FOXD3: variants seen among roughly 807,000 people sequenced by gnomAD.
FOXD3 encodes forkhead box protein D3.
Under a neutral mutation model 3.6 loss-of-function variants are expected in FOXD3, and 3 were observed. That is an observed-to-expected ratio of 0.84 (90% CI 0.38 to 2.18). The LOEUF (loss-of-function observed/expected upper bound fraction) is 2.18. Ranked by LOEUF, FOXD3 falls within the 30% of genes most tolerant of loss-of-function variation. FOXD3 has a pLI of 0.06. For synonymous variants in FOXD3, 391 were observed against 360.9 expected, an observed-to-expected ratio of 1.08 and a Z score of -0.94; for missense variants, 686 against 731.6, an observed-to-expected ratio of 0.94 and a Z score of 0.72.
In FOXD3 at chr1:63,323,832, T is replaced by C; in HGVS notation, c.774T>C (p.Ala258=). 6.2e-7 allele frequency: 1 copy of C among 1,600,506 alleles called. No individual in the cohort carries two copies. Among genetic ancestry groups the C allele is most frequent in the South Asian group, 1.1e-5 (1 of 89,948 alleles). Residue 258 remains alanine (A), a synonymous_variant, in exon 1 of 1, where the codon GCT becomes GCC. Transcript: ENST00000371116. This position sits in a 1 kb window ranked among gnomAD's most constrained non-coding sequence, Gnocchi z 6.8. ...CGCTCATGATGCAGAGCTTCGGCGC[T>C]TACAGCCTGGCGGCGGCGGCCGGCG... is the stretch of plus-strand genomic sequence containing the variant. The part of the protein sequence containing the change: ...QTALMMQSFG[A]YSLAAAAGAA...
chr1:63,323,148 G>C lies in FOXD3; in HGVS notation c.90G>C (p.Glu30Asp). 1 of 1,569,224 alleles carries C rather than the reference G, an allele frequency of 6.4e-7. No individual in the cohort carries two copies. Among genetic ancestry groups the C allele is most frequent in the Non-Finnish European group, 8.6e-7 (1 of 1,159,612 alleles). Residue 30 changes from glutamate (E) to aspartate (D), a missense_variant, in exon 1 of 1, where the codon GAG becomes GAC. Coordinates refer to ENST00000371116, the MANE Select transcript of FOXD3 (RefSeq NM_012183.3). The surrounding 1 kb of genome is among the most constrained non-coding windows in gnomAD (Gnocchi z 6.8). ...AEDVDIDVVG[E>D]GDDGLEEKDS... is the part of the protein sequence containing the mutation. ...ACGTGGACATCGATGTGGTGGGCGA[G>C]GGCGACGACGGGCTGGAAGAGAAGG... is the stretch of plus-strand genomic sequence containing the variant.
chr1:63,324,834 G>T lies in FOXD3; in HGVS notation c.*339G>T. ...GGAGGGAAATTCTTTGTATATATTT[G>T]TAAAAAAATTATTGACTTTCCTTTT... On this transcript the variant is annotated 3_prime_UTR_variant, in exon 1 of 1. Coordinates refer to ENST00000371116, the MANE Select transcript of FOXD3 (RefSeq NM_012183.3). The surrounding 1 kb of genome is among the most constrained non-coding windows in gnomAD (Gnocchi z 4.1). The T allele has an allele frequency of 3.6e-6, 1 of 277,778 alleles. No homozygotes were observed. Among genetic ancestry groups the T allele is most frequent in the Non-Finnish European group, 7.1e-6 (1 of 140,812 alleles). The allele number at this position is 277,778 out of a possible 1,614,324, so 17.2% of individuals were successfully genotyped here. A position where few individuals can be genotyped will look rare whatever the true frequency, so the allele number is the denominator to read the frequency against.
Position 63,324,344 on chromosome 1 carries a change from T to A in FOXD3, c.1286T>A (p.Met429Lys). 1 of 1,586,004 alleles carries A rather than the reference T, an allele frequency of 6.3e-7. No individual in the cohort carries two copies. The highest frequency in any genetic ancestry group is 8.5e-7 in the Non-Finnish European group (1 of 1,174,772). ...GGGACCGTGCAGTCGGCAGCGCTCA[T>A]GGCCACCCACCAACCGCTGTCGCTG... ...PPGTVQSAAL[M>K]ATHQPLSLSR... The change falls in exon 1 of 1, where the codon ATG becomes AAG. Residue 429 changes from methionine (M) to lysine (K), a missense_variant. This residue lies in a region of FOXD3 where 370 missense variants were observed against 372.3 expected (regional missense o/e 0.99). Coordinates refer to ENST00000371116, the MANE Select transcript of FOXD3 (RefSeq NM_012183.3). The surrounding 1 kb of genome is among the most constrained non-coding windows in gnomAD (Gnocchi z 4.1).
In FOXD3 at chr1:63,323,703, G is replaced by GA. The variant is rs1557561498; in HGVS notation, c.646dup (p.Thr216AsnfsTer132). ...GCAACCCGGGCAAGGGCAACTACTG[G>GA]ACCCTGGACCCGCAGTCCGAGGACA... On this transcript the variant is annotated frameshift_variant, in exon 1 of 1. Transcript: ENST00000371116. LOFTEE classifies it low-confidence loss of function (END_TRUNC). The surrounding 1 kb of genome is among the most constrained non-coding windows in gnomAD (Gnocchi z 6.8). 1 of 1,614,014 alleles carries GA rather than the reference G, an allele frequency of 6.2e-7. No individual in the cohort carries two copies. Among genetic ancestry groups the GA allele is most frequent in the East Asian group, 2.2e-5 (1 of 44,828 alleles).
rs1647034876 is a variant in FOXD3, at chr1:63,322,793, C to T, written c.-266C>T. The T allele has an allele frequency of 1.3e-5, 13 of 985,202 alleles. No individual in the cohort carries two copies. The highest frequency in any genetic ancestry group is 1.6e-5 in the Non-Finnish European group (13 of 829,898). 61.0% of individuals were successfully genotyped at this position (985,202 alleles called of 1,614,324 possible). A position where few individuals can be genotyped will look rare whatever the true frequency, so the allele number is the denominator to read the frequency against. ...CGCCGGGGCCGGGAGCGGTAGCGAG[C>T]GCCTAGTACCGAGCGCCAGGGACGG... On this transcript the variant is annotated 5_prime_UTR_variant, in exon 1 of 1. Coordinates refer to ENST00000371116, the MANE Select transcript of FOXD3 (RefSeq NM_012183.3).
rs1300943412 is a variant in FOXD3 at position 63,322,755 on chromosome 1, CG to C, written c.-302del. ...GGAAGGCGGGCTAAGTGAGGGGGCGCGGCGTGGAGAACCGCCGGGGCCGGGA... is the reference window on the plus strand; with the variant it reads ...GGAAGGCGGGCTAAGTGAGGGGGCGCGCGTGGAGAACCGCCGGGGCCGGGA... On this transcript the variant is annotated 5_prime_UTR_variant, in exon 1 of 1. Coordinates refer to ENST00000371116, the MANE Select transcript of FOXD3 (RefSeq NM_012183.3). 2.6e-5 allele frequency: 26 copies of C among 985,270 alleles called. No individual in the cohort carries two copies. Among genetic ancestry groups the C allele is most frequent in the Admixed American group, 6.1e-5 (1 of 16,266 alleles). 61.0% of individuals were successfully genotyped at this position (985,270 alleles called of 1,614,324 possible).
rs755510236 is a variant in FOXD3, at chr1:63,323,097, C to T, written c.39C>T (p.Ser13=). ...LSGGGSASDM[S]GQTVLTAEDV... ...GCGGCGGCAGCGCCAGCGACATGTC[C>T]GGCCAGACGGTGCTGACGGCCGAGG... The change falls in exon 1 of 1, where the codon TCC becomes TCT. Residue 13 remains serine (S), a synonymous_variant. Coordinates refer to ENST00000371116, the MANE Select transcript of FOXD3 (RefSeq NM_012183.3). The surrounding 1 kb of genome is among the most constrained non-coding windows in gnomAD (Gnocchi z 6.8). 3.2e-6 allele frequency: 5 copies of T among 1,562,120 alleles called. No homozygotes were observed. Among genetic ancestry groups the T allele is most frequent in the African/African-American group, 1.4e-5 (1 of 72,338 alleles).
In FOXD3 at chr1:63,324,216, G is replaced by C. The variant is rs534816669; in HGVS notation, c.1158G>C (p.Gly386=). 2.8e-6 allele frequency: 4 copies of C among 1,441,848 alleles called. No homozygotes were observed. The highest frequency in any genetic ancestry group is 3.6e-6 in the Non-Finnish European group (4 of 1,108,838). The allele number at this position is 1,441,848 out of a possible 1,614,324, so 89.3% of individuals were successfully genotyped here. ...PSFSIENIIG[G]GPAAPGGSAV... ...TCAGCATCGAGAACATCATAGGTGG[G>C]GGCCCCGCGGCTCCTGGGGGCTCGG... is the stretch of plus-strand genomic sequence containing the variant. Residue 386 remains glycine, a synonymous_variant, in exon 1 of 1, where the codon GGG becomes GGC. Coordinates refer to ENST00000371116, the MANE Select transcript of FOXD3 (RefSeq NM_012183.3). The surrounding 1 kb of genome is among the most constrained non-coding windows in gnomAD (Gnocchi z 4.1).
In FOXD3 at chr1:63,322,595, G is replaced by T. The variant is rs1028201717; in HGVS notation, c.-464G>T. 6.3e-5 allele frequency: 62 copies of T among 977,760 alleles called. No individual in the cohort carries two copies. Among genetic ancestry groups the T allele is most frequent in the Non-Finnish European group, 7.3e-5 (60 of 821,936 alleles). The allele number at this position is 977,760 out of a possible 1,614,324, so 60.6% of individuals were successfully genotyped here. On this transcript the variant is annotated 5_prime_UTR_variant, in exon 1 of 1. Coordinates refer to ENST00000371116, the MANE Select transcript of FOXD3 (RefSeq NM_012183.3). Reference sequence around the variant, plus strand: ...TAAAACGGGACTTTCGACTACCGGGGCTTCGGCGTCCCTGACACCCAGCCC... The same window carrying T: ...TAAAACGGGACTTTCGACTACCGGGTCTTCGGCGTCCCTGACACCCAGCCC...
At position 63,323,263 on chromosome 1, in the gene FOXD3, G is replaced by A. The variant is rs1647041730; in HGVS notation, c.205G>A (p.Gly69Arg). ...DEVPPAAPHHGQPQPPHQQPL... is the reference protein window; with the variant it reads ...DEVPPAAPHHRQPQPPHQQPL... ...GGTGCCCCCGGCGGCACCCCATCAC[G>A]GACAGCCTCAGCCGCCCCACCAGCA... Residue 69 changes from glycine to arginine, a missense_variant, in exon 1 of 1, where the codon GGA (glycine) becomes AGA (arginine). Around this residue, in one of 3 missense-constraint regions of FOXD3, gnomAD observed 232 missense variants for 214.0 expected, o/e 1.08. Coordinates refer to ENST00000371116, the MANE Select transcript of FOXD3 (RefSeq NM_012183.3). This position sits in a 1 kb window ranked among gnomAD's most constrained non-coding sequence, Gnocchi z 6.8. 3.3e-6 allele frequency: 5 copies of A among 1,514,382 alleles called. No homozygotes were observed. Among genetic ancestry groups the A allele is most frequent in the Non-Finnish European group, 4.4e-6 (5 of 1,132,660 alleles). The allele number at this position is 1,514,382 out of a possible 1,614,324, so 93.8% of individuals were successfully genotyped here.
In FOXD3 at chr1:63,323,867, C is replaced by T. The variant is rs1183466638; in HGVS notation, c.809C>T (p.Pro270Leu). Residue 270 changes from proline to leucine, a missense_variant, in exon 1 of 1, where the codon CCC (proline) becomes CTC (leucine). By Grantham distance (98) the Pro-to-Leu change is moderately conservative. This residue lies in a region of FOXD3 where 370 missense variants were observed against 372.3 expected (regional missense o/e 0.99). Coordinates refer to ENST00000371116, the MANE Select transcript of FOXD3 (RefSeq NM_012183.3). This position sits in a 1 kb window ranked among gnomAD's most constrained non-coding sequence, Gnocchi z 6.8. ...SLAAAAGAAG[P>L]YGRPYGLHPA... Reference sequence around the variant, plus strand: ...GCGGCGGCGGCCGGCGCCGCGGGACCCTACGGCCGCCCCTACGGCCTGCAC... The same window carrying T: ...GCGGCGGCGGCCGGCGCCGCGGGACTCTACGGCCGCCCCTACGGCCTGCAC... The T allele has an allele frequency of 6.5e-7, 1 of 1,548,230 alleles. No individual in the cohort carries two copies. The highest frequency in any genetic ancestry group is 8.7e-7 in the Non-Finnish European group (1 of 1,154,042).
chr1:63,323,484 G>C lies in FOXD3; in HGVS notation c.426G>C (p.Pro142=). Reference sequence around the variant, plus strand: ...AGCCCAAGAACAGCCTAGTGAAGCCGCCTTACTCGTACATCGCGCTCATCA... The same window carrying C: ...AGCCCAAGAACAGCCTAGTGAAGCCCCCTTACTCGTACATCGCGCTCATCA... ...PSKPKNSLVK[P]PYSYIALITM... Residue 142 remains proline (P), a synonymous_variant, in exon 1 of 1, where the codon CCG becomes CCC. Coordinates refer to ENST00000371116, the MANE Select transcript of FOXD3 (RefSeq NM_012183.3). The surrounding 1 kb of genome is among the most constrained non-coding windows in gnomAD (Gnocchi z 6.8). 1.2e-6 allele frequency: 2 copies of C among 1,613,852 alleles called. No individual in the cohort carries two copies. The highest frequency in any genetic ancestry group is 1.7e-6 in the Non-Finnish European group (2 of 1,179,978).
chr1:63,323,734 G>T lies in FOXD3; in HGVS notation c.676G>T (p.Asp226Tyr). 3.1e-6 allele frequency: 5 copies of T among 1,613,892 alleles called. No homozygotes were observed. The highest frequency in any genetic ancestry group is 4.2e-6 in the Non-Finnish European group (5 of 1,179,936). The change falls in exon 1 of 1, where the codon GAC becomes TAC. Residue 226 changes from aspartate (D) to tyrosine (Y), a missense_variant. Physicochemically the swap from Asp to Tyr is radical, Grantham distance 160 (BLOSUM62 -3). Transcript: ENST00000371116. This position sits in a 1 kb window ranked among gnomAD's most constrained non-coding sequence, Gnocchi z 6.8. ...TLDPQSEDMFDNGSFLRRRKR... is the reference protein window; with the variant it reads ...TLDPQSEDMFYNGSFLRRRKR... ...GGACCCGCAGTCCGAGGACATGTTC[G>T]ACAACGGCAGCTTCCTGCGGCGCCG...
chr1:63,323,190 C>A lies in FOXD3; in HGVS notation c.132C>A (p.Cys44Ter). ...AAGAGAAGGACAGCGACGCAGGTTG[C>A]GATAGCCCCGCGGGGCCGCCGGAGC... ...GLEEKDSDAGCDSPAGPPELR... is the reference protein window; with the variant it reads ...GLEEKDSDAG Residue 44 changes from cysteine to a stop codon, truncating the protein, a stop_gained, in exon 1 of 1, where the codon TGC (cysteine) becomes TGA (stop). Transcript: ENST00000371116. LOFTEE classifies it low-confidence loss of function (END_TRUNC). This position sits in a 1 kb window ranked among gnomAD's most constrained non-coding sequence, Gnocchi z 6.8. 1 of 1,550,808 alleles carries A rather than the reference C, an allele frequency of 6.4e-7. No individual in the cohort carries two copies. Among genetic ancestry groups the A allele is most frequent in the Non-Finnish European group, 8.7e-7 (1 of 1,150,540 alleles).
At position 63,323,673 on chromosome 1, in the gene FOXD3, G is replaced by A. The variant is rs1569985287; in HGVS notation, c.615G>A (p.Glu205=). 6.2e-7 allele frequency: 1 copy of A among 1,614,082 alleles called. No homozygotes were observed. Among genetic ancestry groups the A allele is most frequent in the Admixed American group, 1.7e-5 (1 of 60,014 alleles). Residue 205 remains glutamate, a synonymous_variant, in exon 1 of 1, where the codon GAG becomes GAA. Transcript: ENST00000371116. This position sits in a 1 kb window ranked among gnomAD's most constrained non-coding sequence, Gnocchi z 6.8. ...LNDCFVKIPR[E]PGNPGKGNYW... is the part of the protein sequence containing the mutation. ...ACTGCTTCGTCAAGATCCCCCGCGAGCCGGGCAACCCGGGCAAGGGCAACT... is the reference window on the plus strand; with the variant it reads ...ACTGCTTCGTCAAGATCCCCCGCGAACCGGGCAACCCGGGCAAGGGCAACT...
chr1:63,323,768 T>A lies in FOXD3; in HGVS notation c.710T>A (p.Phe237Tyr). The A allele has an allele frequency of 6.3e-7, 1 of 1,593,230 alleles. No homozygotes were observed. ...NGSFLRRRKRFKRHQQEHLRE... is the reference protein window; with the variant it reads ...NGSFLRRRKRYKRHQQEHLRE... Reference sequence around the variant, plus strand: ...AGCTTCCTGCGGCGCCGGAAACGCTTCAAGCGCCACCAGCAGGAGCACCTG... The same window carrying A: ...AGCTTCCTGCGGCGCCGGAAACGCTACAAGCGCCACCAGCAGGAGCACCTG... The change falls in exon 1 of 1, where the codon TTC becomes TAC. Residue 237 changes from phenylalanine to tyrosine, a missense_variant. Physicochemically the swap from Phe to Tyr is conservative, Grantham distance 22. Coordinates refer to ENST00000371116, the MANE Select transcript of FOXD3 (RefSeq NM_012183.3). The surrounding 1 kb of genome is among the most constrained non-coding windows in gnomAD (Gnocchi z 6.8).
chr1:63,324,516 C>G lies in FOXD3; in HGVS notation c.*21C>G. Reference sequence around the variant, plus strand: ...AATAGGGACGCGCCAATGGCCGGGACCCAGGGTCCGGCGGCGGCCTCGAGC... The same window carrying G: ...AATAGGGACGCGCCAATGGCCGGGAGCCAGGGTCCGGCGGCGGCCTCGAGC... On this transcript the variant is annotated 3_prime_UTR_variant, in exon 1 of 1. Transcript: ENST00000371116. This position sits in a 1 kb window ranked among gnomAD's most constrained non-coding sequence, Gnocchi z 4.1. 1 of 1,518,134 alleles carries G rather than the reference C, an allele frequency of 6.6e-7. No individual in the cohort carries two copies. The highest frequency in any genetic ancestry group is 8.8e-7 in the Non-Finnish European group (1 of 1,132,396). 94.0% of individuals were successfully genotyped at this position (1,518,134 alleles called of 1,614,324 possible).
At position 63,323,969 on chromosome 1, in the gene FOXD3, C is replaced by T. The variant is rs1647052476; in HGVS notation, c.911C>T (p.Pro304Leu). Residue 304 changes from proline to leucine, a missense_variant, in exon 1 of 1, where the codon CCG becomes CTG. Coordinates refer to ENST00000371116, the MANE Select transcript of FOXD3 (RefSeq NM_012183.3). The surrounding 1 kb of genome is among the most constrained non-coding windows in gnomAD (Gnocchi z 6.8). ...AAAAAAALQY[P>L]YALPPVAPVL... ...GCTGCTGCGGCGGCGCTCCAGTACC[C>T]GTACGCGCTGCCGCCGGTGGCACCG... 2 of 1,268,922 alleles carry T rather than the reference C, an allele frequency of 1.6e-6. No individual in the cohort carries two copies. The highest frequency in any genetic ancestry group is 3.1e-5 in the African/African-American group (2 of 63,718). 78.6% of individuals were successfully genotyped at this position (1,268,922 alleles called of 1,614,324 possible).
At position 63,323,421 on chromosome 1, in the gene FOXD3, C is replaced by T. The variant is rs763505896; in HGVS notation, c.363C>T (p.Gly121=). Residue 121 remains glycine (G), a synonymous_variant, in exon 1 of 1, where the codon GGC becomes GGT. Coordinates refer to ENST00000371116, the MANE Select transcript of FOXD3 (RefSeq NM_012183.3). The surrounding 1 kb of genome is among the most constrained non-coding windows in gnomAD (Gnocchi z 6.8). The part of the protein sequence containing the change: ...EEGGASGGGP[G]AGSGSAGGLA... ...GCGGCGCGAGCGGCGGCGGGCCTGG[C>T]GCGGGCAGCGGTTCGGCGGGAGGCC... is the stretch of plus-strand genomic sequence containing the variant. 5.8e-6 allele frequency: 9 copies of T among 1,550,490 alleles called. No homozygotes were observed. The highest frequency in any genetic ancestry group is 7.8e-6 in the Non-Finnish European group (9 of 1,151,932).
Sources: gnomAD v4.1 joint callset for allele counts on GRCh38, gnomAD v4.1.1 for gene constraint, gnomAD v4.1.1 regional missense constraint, Gnocchi (gnomAD v3.1) non-coding constraint, MANE v1.5 for transcripts, NCBI Gene and HGNC (gene_info 2026-07-23, HGNC 2026-07-21) for gene names.